Variants in KCNJ3 observed in about 807,000 individuals in gnomAD.
The protein encoded by KCNJ3 is potassium inwardly rectifying channel subfamily J member 3, also known as G protein-activated inward rectifier potassium channel 1.
Under a neutral mutation model 39.2 loss-of-function variants are expected in KCNJ3, and 4 were observed. The ratio of observed to expected loss-of-function variants is 0.10; its 90% confidence interval spans 0.05 to 0.23. The LOEUF is 0.23. Ranked by LOEUF, KCNJ3 falls within the 10% of genes least tolerant of loss-of-function variation. KCNJ3 has a pLI of 1.00. For synonymous variants in KCNJ3, 230 were observed against 237.4 expected, an observed-to-expected ratio of 0.97 and a Z score of 0.29; for missense variants, 276 against 634.9, an observed-to-expected ratio of 0.43 and a Z score of 6.08.
intron 2 of KCNJ3, among the ~76,000 whole-genome samples, chr2:154,848,009 T>C (rs1198056231): frequency 6.6e-6 from 1 of 152,180 alleles, no homozygotes; most frequent in East Asian, 1.9e-4. Context: ...ACCAAAAGGC[T>C]TTGTTATTCA....
chr2:154,852,361 A>G (rs1019377993), intron 2 of KCNJ3, among the ~76,000 whole-genome samples: 2 of 152,182 alleles, frequency 1.3e-5, no homozygotes, highest in Non-Finnish European at 2.9e-5. Flanking sequence ...GTGCCACTGC[A>G]CCGCAGCCTG....
intron 2 of KCNJ3, among the ~76,000 whole-genome samples, chr2:154,791,541 A>T (rs1371705918): frequency 6.6e-6 from 1 of 152,070 alleles, no homozygotes; most frequent in Non-Finnish European, 1.5e-5. Context: ...GAAGCTAGAC[A>T]CTGACCCTTA....
chr2:154,819,321 T>C (rs1687131479), intron 2 of KCNJ3, among the ~76,000 whole-genome samples: 1 of 152,042 alleles, frequency 6.6e-6, no homozygotes, highest in Non-Finnish European at 1.5e-5. Context: ...AACACAAATG[T>C]GGAGATGATG....
At chr2:154,796,222 G>A (rs889135680) in intron 2 of KCNJ3, among the ~76,000 whole-genome samples, 1 of 152,058 alleles carries the variant, frequency 6.6e-6, no homozygotes, top group African/African-American at 2.4e-5. Flanking sequence ...TACAGTAGAA[G>A]GATTCATTCT....
At chr2:154,817,096 A>C (rs1687094095) in intron 2 of KCNJ3, among the ~76,000 whole-genome samples, 1 of 152,182 alleles carries the variant, frequency 6.6e-6, no homozygotes, top group Admixed American at 6.5e-5. Context: ...ATTTGAGTGC[A>C]TTAATTGCAT....
chr2:154,847,572 G>A (rs1203710300), intron 2 of KCNJ3, among the ~76,000 whole-genome samples: 1 of 135,606 alleles, frequency 7.4e-6, no homozygotes, highest in Non-Finnish European at 1.6e-5. Flanking sequence ...CATGTTATTT[G>A]GTTAAATTTT....
At chr2:154,845,967 C>G (rs540991574) in intron 2 of KCNJ3, among the ~76,000 whole-genome samples, 1 of 111,858 alleles carries the variant, frequency 8.9e-6, no homozygotes, top group East Asian at 2.3e-4. Context: ...GAGACTCTGT[C>G]TCAGAAAAAA....
At chr2:154,825,879 T>TG (rs1032033884) in intron 2 of KCNJ3, among the ~76,000 whole-genome samples, 6 of 151,470 alleles carry the variant, frequency 4.0e-5, no homozygotes, top group African/African-American at 1.5e-4. Context: ...GCACCTGTTT[T>TG]TTTTTTTTTT....
intron 2 of KCNJ3, among the ~76,000 whole-genome samples, chr2:154,741,937 AAC>A (rs1487517622): frequency 2.6e-5 from 4 of 151,874 alleles, no homozygotes; most frequent in African/African-American, 4.8e-5. Flanking sequence ...TGTAGTATTA[AAC>A]ACATTCATAA....
chr2:154,808,462 A>G (rs192922460), intron 2 of KCNJ3, among the ~76,000 whole-genome samples: 14 of 152,194 alleles, frequency 9.2e-5, no homozygotes, highest in Admixed American at 5.9e-4. Flanking sequence ...TCACAGACTC[A>G]GGATCAGTGC....
chr2:154,753,802 G>T (rs1028563369), intron 2 of KCNJ3, among the ~76,000 whole-genome samples: 4 of 152,192 alleles, frequency 2.6e-5, no homozygotes, highest in African/African-American at 9.6e-5. Flanking sequence ...TTAATACATA[G>T]ATTTGTTCAT....
At chr2:154,703,511 A>T (rs1684947746) in intron 1 of KCNJ3, among the ~76,000 whole-genome samples, 1 of 147,550 alleles carries the variant, frequency 6.8e-6, no homozygotes, top group Non-Finnish European at 1.5e-5. Flanking sequence ...GTGTGTATAC[A>T]TATCCTCCAT....
intron 2 of KCNJ3, among the ~76,000 whole-genome samples, chr2:154,725,279 A>T (rs1236594007): frequency 2.7e-5 from 4 of 147,616 alleles, no homozygotes; most frequent in Non-Finnish European, 4.5e-5. Context: ...CACGTCCTCT[A>T]CTACTTTCTA....
At position 154,774,669 on chromosome 2, in the gene KCNJ3, T is replaced by C. The variant is rs377507711; in HGVS notation, c.919+64850T>C. ...CAAGTGGGAACACTCTATTCTGTAA[T>C]ACATGGAAAAAAACCTTAAAATTCT... On this transcript the variant is annotated intron_variant, in intron 2 of 2. Coordinates refer to ENST00000295101, the MANE Select transcript of KCNJ3 (RefSeq NM_002239.4). Among the ~76,000 whole-genome samples, 51 of 152,218 alleles carry C rather than the reference T, an allele frequency of 3.4e-4. 1 individual carries two copies. The East Asian group carries it at 5.6e-3, about 17-fold the overall frequency.
chr2:154,700,693 ATGT>A (rs1684878494), intron 1 of KCNJ3, among the ~76,000 whole-genome samples: 1 of 152,284 alleles, frequency 6.6e-6, no homozygotes, highest in South Asian at 2.1e-4. Flanking sequence ...CCCCAACTTA[ATGT>A]TGTAGTTAAA....
At chr2:154,799,725 G>A (rs1248271282) in intron 2 of KCNJ3, among the ~76,000 whole-genome samples, 2 of 152,114 alleles carry the variant, frequency 1.3e-5, no homozygotes, top group African/African-American at 2.4e-5. Flanking sequence ...TCCTGTGTGT[G>A]TGCAGCCTGC....
intron 2 of KCNJ3, among the ~76,000 whole-genome samples, chr2:154,833,407 A>T (rs368606146): frequency 9.9e-5 from 15 of 152,198 alleles, no homozygotes; most frequent in African/African-American, 3.6e-4. Context: ...TCAGACTCTC[A>T]GCAAAATTAA....
chr2:154,842,051 C>A (rs2105130626), intron 2 of KCNJ3, among the ~76,000 whole-genome samples: 1 of 152,260 alleles, frequency 6.6e-6, no homozygotes, highest in East Asian at 1.9e-4. Context: ...GATCTTAGAT[C>A]TTTCCTGCTT....
chr2:154,802,482 G>A (rs1484385541), intron 2 of KCNJ3, among the ~76,000 whole-genome samples: 1 of 151,874 alleles, frequency 6.6e-6, no homozygotes, highest in Non-Finnish European at 1.5e-5. Context: ...TGAATAAATA[G>A]CGAGCCACGG....
Sources: allele counts gnomAD v4.1 joint callset (sites outside exome capture counted in the v4.1 genomes callset), GRCh38; gene constraint gnomAD v4.1.1; transcripts MANE v1.5; gene names NCBI Gene and HGNC (gene_info 2026-07-23, HGNC 2026-07-21).